Variants in SLC1A7 observed in about 807,000 individuals in gnomAD.
The protein encoded by SLC1A7 is solute carrier family 1 member 7, also known as excitatory amino acid transporter 5.
SLC1A7 carries 40 observed loss-of-function variants against 47.7 expected under a neutral mutation model. The ratio of observed to expected loss-of-function variants is 0.84; its 90% CI spans 0.65 to 1.09. The LOEUF is 1.09. SLC1A7 is among the 50% of genes least tolerant of loss of function. The pLI is 0.00. For synonymous variants in SLC1A7, 323 were observed against 325.6 expected, an observed-to-expected ratio of 0.99 and a Z score of 0.09; for missense variants, 746 against 769.5, an observed-to-expected ratio of 0.97 and a Z score of 0.36.
At chr1:53,092,855 T>G in intron 6 of SLC1A7, 68 bp from the exon 7 acceptor site, 2 of 1,033,496 alleles carry the variant, frequency 1.9e-6, no homozygotes, top group South Asian at 1.3e-5. Context: ...CAGCCCCGCA[T>G]CGCTGCGCGG....
intron 5 of SLC1A7, among the ~76,000 whole-genome samples, chr1:53,096,046 G>T (rs796159013): frequency 9.2e-5 from 13 of 141,880 alleles, no homozygotes; most frequent in African/African-American, 2.7e-4. Context: ...AACTCGCCTC[G>T]GTACACTCAA....
At chr1:53,098,910 CTCAT>C (rs1233487655) in intron 5 of SLC1A7, among the ~76,000 whole-genome samples, 3 of 150,002 alleles carry the variant, frequency 2.0e-5, no homozygotes, top group Non-Finnish European at 3.0e-5. Flanking sequence ...CCGTAGTACA[CTCAT>C]TCCACCTCAT....
intron 2 of SLC1A7, among the ~76,000 whole-genome samples, chr1:53,123,999 C>T (rs3753596): frequency 0.21 from 31,284 of 152,078 alleles, 3,971 homozygotes; most frequent in South Asian, 0.42. Flanking sequence ...CTCCTGCTCA[C>T]GGCCTGTCCT....
intron 10 of SLC1A7, 24 bp from the exon 11 acceptor site, chr1:53,088,251 G>C: frequency 6.4e-7 from 1 of 1,566,388 alleles, no homozygotes; most frequent in Non-Finnish European, 8.7e-7. Context: ...ACAGGTCTTT[G>C]TAGCAGCAGG....
chr1:53,130,080 C>T (rs549353020), intron 2 of SLC1A7, among the ~76,000 whole-genome samples: 2 of 152,162 alleles, frequency 1.3e-5, no homozygotes, highest in Admixed American at 6.5e-5. Context: ...ATGCCAGCTG[C>T]GACCGTGAGG....
chr1:53,115,251 A>G (rs369869734), intron 2 of SLC1A7: 59 of 539,594 alleles, frequency 1.1e-4, no homozygotes, highest in Non-Finnish European at 1.9e-4. Flanking sequence ...TGGTGGGGAC[A>G]CTGTTGGGGG....
chr1:53,110,760 C>G (rs1400547016), intron 3 of SLC1A7, among the ~76,000 whole-genome samples: 3 of 152,120 alleles, frequency 2.0e-5, no homozygotes, highest in Non-Finnish European at 4.4e-5. Flanking sequence ...GATGTTCACT[C>G]TCCTAGTTCT....
At chr1:53,134,301 T>C in intron 2 of SLC1A7, 49 bp downstream of exon 2, 2 of 1,389,938 alleles carry the variant, frequency 1.4e-6, no homozygotes, top group South Asian at 2.4e-5. Context: ...ACAGAAGCCA[T>C]CCTCTACCCT....
At chr1:53,131,809 A>T in intron 2 of SLC1A7, among the ~76,000 whole-genome samples, 1 of 152,290 alleles carries the variant, frequency 6.6e-6, no homozygotes, top group Non-Finnish European at 1.5e-5. Context: ...CCCAGTGGAT[A>T]AAGAAACCAG....
At position 53,142,185 on chromosome 1, in the gene SLC1A7, C is replaced by T. The variant is rs531332115; in HGVS notation, c.135+130G>A. 4.8e-6 allele frequency: 5 copies of T among 1,050,088 alleles called. No homozygotes were observed. In the East Asian group the frequency reaches 1.3e-4, roughly 28 times the overall value. 65.0% of individuals were successfully genotyped at this position (1,050,088 alleles called of 1,614,324 possible). On this transcript the variant is annotated intron_variant, in intron 1 of 10. Coordinates refer to ENST00000371494, the MANE Select transcript of SLC1A7 (RefSeq NM_006671.6). ...CATGTTACAGATGAGAAAACCAGGACCCAGAGAGGCAGAGGGATTCACACA... is the reference window on the plus strand; with the variant it reads ...CATGTTACAGATGAGAAAACCAGGATCCAGAGAGGCAGAGGGATTCACACA...
chr1:53,141,859 G>A (rs980204670), intron 1 of SLC1A7, among the ~76,000 whole-genome samples: 7 of 152,140 alleles, frequency 4.6e-5, no homozygotes, highest in Middle Eastern at 3.2e-3. Context: ...CACGTGTGGC[G>A]ATGGGACCTA....
chr1:53,138,211 A>C (rs1645020010), intron 1 of SLC1A7, among the ~76,000 whole-genome samples: 1 of 152,204 alleles, frequency 6.6e-6, no homozygotes, highest in South Asian at 2.1e-4. Context: ...GGTTGGTTTT[A>C]TTCCACCAGA....
At chr1:53,103,171 G>A (rs1572315932) in intron 5 of SLC1A7, 175 bp downstream of exon 5, 3 of 555,924 alleles carry the variant, frequency 5.4e-6, no homozygotes, top group East Asian at 6.2e-5. Flanking sequence ...AGCCCCTGGG[G>A]TGGGGTGGGG....
In SLC1A7 at chr1:53,142,564, T is replaced by C; in HGVS notation, c.-115A>G. 1 of 1,258,748 alleles carries C rather than the reference T, an allele frequency of 7.9e-7. No homozygotes were observed. Among genetic ancestry groups the C allele is most frequent in the Non-Finnish European group, 1.1e-6 (1 of 929,886 alleles). 78.0% of individuals were successfully genotyped at this position (1,258,748 alleles called of 1,614,324 possible). Reference sequence around the variant, plus strand: ...CCCCTCAGCAGGCAGGTGGTCGGAGTTGCTAAACACCAGTCGCCAGCCCCA... The same window carrying C: ...CCCCTCAGCAGGCAGGTGGTCGGAGCTGCTAAACACCAGTCGCCAGCCCCA... On this transcript the variant is annotated 5_prime_UTR_variant, in exon 1 of 11. Transcript: ENST00000371494.
intron 2 of SLC1A7, chr1:53,118,405 GTCT>G (rs1262229464): frequency 6.6e-6 from 1 of 152,174 alleles, no homozygotes; most frequent in Non-Finnish European, 1.5e-5. Context: ...GATTGAGCCC[GTCT>G]TCTTGTGTGA....
At chr1:53,088,848 T>C in intron 10 of SLC1A7, 29 bp downstream of exon 10, 1 of 1,585,670 alleles carries the variant, frequency 6.3e-7, no homozygotes, top group African/African-American at 1.4e-5. Flanking sequence ...TCCACCCTCC[T>C]GGCAGCCTCT....
At chr1:53,140,786 G>A (rs1572356794) in intron 1 of SLC1A7, among the ~76,000 whole-genome samples, 1 of 152,186 alleles carries the variant, frequency 6.6e-6, no homozygotes, top group Non-Finnish European at 1.5e-5. Flanking sequence ...GCCCAGGGAG[G>A]AGAGAGGATA....
intron 2 of SLC1A7, among the ~76,000 whole-genome samples, chr1:53,132,473 T>G (rs533024961): frequency 6.6e-6 from 1 of 152,028 alleles, no homozygotes; most frequent in African/African-American, 2.4e-5. Context: ...ACCTGGGTGA[T>G]GGAGCTGCCA....
At chr1:53,118,613 C>G (rs1644787454) in intron 2 of SLC1A7, 1 of 152,226 alleles carries the variant, frequency 6.6e-6, no homozygotes, top group Admixed American at 6.5e-5. Context: ...TAAAAAGAAA[C>G]AGGTGAAATT....
Sources: allele counts gnomAD v4.1 joint callset (sites outside exome capture counted in the v4.1 genomes callset), GRCh38; gene constraint gnomAD v4.1.1; transcripts MANE v1.5; gene names NCBI Gene and HGNC (gene_info 2026-07-23, HGNC 2026-07-21).